The following SERPINC1 variants were observed in gnomAD, a reference collection of about 807,000 sequenced individuals.
The protein encoded by SERPINC1 is antithrombin-III.
In SERPINC1, 12 loss-of-function variants were observed where a neutral mutation model predicts 43.4. The observed-to-expected ratio is 0.28, with a 90% CI of 0.18 to 0.45. The LOEUF (loss-of-function observed/expected upper bound fraction) is 0.45, where lower values mean the gene tolerates loss of function less well. Among genes scored for constraint, SERPINC1 ranks in the 20% least tolerant of loss-of-function variants. The probability of loss-of-function intolerance (pLI) is 1.00; values close to 1 mark genes in which losing one functional copy is unlikely to be tolerated. For missense variants in SERPINC1, 423 were observed against 578.8 expected (o/e 0.73, Z 2.76); for synonymous variants, 210 against 218.9 (o/e 0.96, Z 0.36).
intron 6 of SERPINC1, among the ~76,000 whole-genome samples, chr1:173,905,760 C>G (rs915201977): frequency 2.0e-5 from 3 of 152,074 alleles, no homozygotes; most frequent in African/African-American, 7.2e-5. Flanking sequence ...CCGTTCAACA[C>G]CCTAGTCTCC....
chr1:173,913,150 C>T (rs922378724), intron 2 of SERPINC1, among the ~76,000 whole-genome samples: 4 of 152,172 alleles, frequency 2.6e-5, no homozygotes, highest in African/African-American at 9.7e-5. Flanking sequence ...GCACCGTATA[C>T]CATCTTGAAG....
chr1:173,912,513 T>A (rs1229361707), intron 2 of SERPINC1, among the ~76,000 whole-genome samples: 1 of 152,182 alleles, frequency 6.6e-6, no homozygotes, highest in South Asian at 2.1e-4. Flanking sequence ...TTAGAAGTCA[T>A]CCATGCTTTG....
intron 6 of SERPINC1, among the ~76,000 whole-genome samples, chr1:173,906,305 G>A (rs978058005): frequency 6.6e-6 from 1 of 152,178 alleles, no homozygotes; most frequent in Non-Finnish European, 1.5e-5. Flanking sequence ...GCTGTACACG[G>A]CTATTACTCT....
intron 4 of SERPINC1, 66 bp downstream of exon 4, chr1:173,910,688 A>T: frequency 6.4e-7 from 1 of 1,563,702 alleles, no homozygotes; most frequent in Non-Finnish European, 8.8e-7. Context: ...GCCATTTAAA[A>T]AAAAAGGGGG....
At chr1:173,904,888 C>A (rs1051759893) in intron 6 of SERPINC1, among the ~76,000 whole-genome samples, 1 of 152,148 alleles carries the variant, frequency 6.6e-6, no homozygotes, top group Non-Finnish European at 1.5e-5. Flanking sequence ...TCCTTTTATT[C>A]AAATCAGATT....
At chr1:173,904,283 A>G (rs1657390735) in intron 6 of SERPINC1, among the ~76,000 whole-genome samples, 2 of 152,190 alleles carry the variant, frequency 1.3e-5, no homozygotes, top group African/African-American at 2.4e-5. Flanking sequence ...GTGCTAGGTA[A>G]TAAGTGTAAG....
At chr1:173,907,104 C>T (rs1657549931) in intron 6 of SERPINC1, among the ~76,000 whole-genome samples, 2 of 149,312 alleles carry the variant, frequency 1.3e-5, no homozygotes, top group South Asian at 2.1e-4. Flanking sequence ...AACGAGCGAA[C>T]GAAGCTCTGT....
chr1:173,910,697 G>C, intron 4 of SERPINC1, 57 bp downstream of exon 4: 1 of 1,580,778 alleles, frequency 6.3e-7, no homozygotes, highest in Non-Finnish European at 8.7e-7. Context: ...AAAAAAAGGG[G>C]GTAAGCTGAA....
intron 2 of SERPINC1, among the ~76,000 whole-genome samples, chr1:173,914,123 A>C (rs1185972866): frequency 1.3e-5 from 2 of 152,096 alleles, no homozygotes; most frequent in Middle Eastern, 3.2e-3. Flanking sequence ...ACGAGAGCCT[A>C]TATGCCTGAT....
chr1:173,910,052 A>T, intron 4 of SERPINC1, 110 bp from the exon 5 acceptor site: 1 of 1,111,448 alleles, frequency 9.0e-7, no homozygotes, highest in South Asian at 1.3e-5. Context: ...TTCGGAAAAA[A>T]GACTGGCGGG....
intron 5 of SERPINC1, among the ~76,000 whole-genome samples, chr1:173,908,137 C>T (rs1027114753): frequency 6.6e-6 from 1 of 151,946 alleles, no homozygotes; most frequent in African/African-American, 2.4e-5. Context: ...AAAACTCACT[C>T]CATCCAGAAG....
At chr1:173,915,060 C>T in intron 1 of SERPINC1, 141 bp from the exon 2 acceptor site, 1 of 1,522,586 alleles carries the variant, frequency 6.6e-7, no homozygotes, top group Non-Finnish European at 8.8e-7. Flanking sequence ...GAACCAAGTA[C>T]AGGGGCCCGG....
At chr1:173,911,766 A>G in intron 3 of SERPINC1, 33 bp downstream of exon 3, 1 of 1,524,040 alleles carries the variant, frequency 6.6e-7, no homozygotes, top group Non-Finnish European at 9.1e-7. Context: ...GAGAGGAAGA[A>G]CTCGGAGGTC....
At chr1:173,909,526 G>A in intron 5 of SERPINC1, 26 bp downstream of exon 5, 1 of 1,612,030 alleles carries the variant, frequency 6.2e-7, no homozygotes, top group Non-Finnish European at 8.5e-7. Context: ...GGGTGGAGAA[G>A]GGAGGAAACT....
intron 6 of SERPINC1, among the ~76,000 whole-genome samples, chr1:173,907,081 C>CTCTA (rs1557901206): frequency 1.3e-5 from 2 of 151,732 alleles, no homozygotes; most frequent in Admixed American, 1.3e-4. Context: ...CACCATTGCA[C>CTCTA]TCTAGCCTGG....
intron 4 of SERPINC1, among the ~76,000 whole-genome samples, 154 bp from the exon 5 acceptor site, chr1:173,910,096 G>A (rs953307232): frequency 6.6e-6 from 1 of 152,202 alleles, no homozygotes; most frequent in Non-Finnish European, 1.5e-5. Context: ...GGCTGTGTCA[G>A]AATGATGGAA....
At chr1:173,909,966 A>G in intron 4 of SERPINC1, 24 bp from the exon 5 acceptor site, 1 of 1,612,614 alleles carries the variant, frequency 6.2e-7, no homozygotes, top group Non-Finnish European at 8.5e-7. Flanking sequence ...ACAAAGTAAG[A>G]ACACAAACAT....
chr1:173,914,571 G>C lies in SERPINC1; in HGVS notation c.390C>G (p.Thr130=). 1.2e-6 allele frequency: 2 copies of C among 1,614,122 alleles called. No individual in the cohort carries two copies. The highest frequency in any genetic ancestry group is 2.2e-5 in the East Asian group (1 of 44,882). The change falls in exon 2 of 7, where the codon ACC becomes ACG. Residue 130 remains threonine, a synonymous_variant. Coordinates refer to ENST00000367698, the MANE Select transcript of SERPINC1 (RefSeq NM_000488.4). ...GTCGTACCTCCATCAGTTGCTGGAG[G>C]GTGTCATTACAGGCACCCAGCTTGG... ...AMTKLGACND[T]LQQLMEVFKF... is the part of the protein sequence containing the mutation.
chr1:173,908,281 G>C (rs1156337496), intron 5 of SERPINC1, among the ~76,000 whole-genome samples: 1 of 151,654 alleles, frequency 6.6e-6, no homozygotes, highest in Non-Finnish European at 1.5e-5. Context: ...CCTGAGGTCA[G>C]GAGTTCAAGA....
Sources: gnomAD v4.1 joint callset for allele counts (sites outside exome capture counted in the v4.1 genomes callset) on GRCh38, gnomAD v4.1.1 for gene constraint, MANE v1.5 for transcripts, NCBI Gene and HGNC (gene_info 2026-07-23, HGNC 2026-07-21) for gene names.